CHST11: variants seen among roughly 807,000 people sequenced by gnomAD.
The protein encoded by CHST11 is C4S-1.
CHST11 carries 9 observed loss-of-function variants against 30.4 expected under a neutral mutation model. The ratio of observed to expected loss-of-function variants is 0.30; its 90% CI spans 0.18 to 0.52. The LOEUF (loss-of-function observed/expected upper bound fraction) is 0.52, where lower values mean the gene tolerates loss of function less well. Among genes scored for constraint, CHST11 ranks in the 20% least tolerant of loss-of-function variants. The probability of loss-of-function intolerance (pLI) is 0.97; values close to 1 mark genes in which losing one functional copy is unlikely to be tolerated. For missense variants in CHST11, 348 were observed against 460.6 expected (o/e 0.76, Z 2.24); for synonymous variants, 152 against 187.8 (o/e 0.81, Z 1.56).
chr12:104,619,569 C>T (rs1263198599), intron 2 of CHST11, among the ~76,000 whole-genome samples: 3 of 152,116 alleles, frequency 2.0e-5, no homozygotes, highest in African/African-American at 7.2e-5. Context: ...AGTTGGTGTT[C>T]AAACAGGAAT....
At chr12:104,494,280 G>GGAGCTTGT (rs1281213726) in intron 1 of CHST11, among the ~76,000 whole-genome samples, 2 of 152,214 alleles carry the variant, frequency 1.3e-5, no homozygotes, top group East Asian at 3.9e-4. Flanking sequence ...AGCAAAGGCA[G>GGAGCTTGT]GAGCTTGTGA....
chr12:104,756,679 C>T (rs1201849194), intron 2 of CHST11, among the ~76,000 whole-genome samples: 1 of 152,054 alleles, frequency 6.6e-6, no homozygotes, highest in Non-Finnish European at 1.5e-5. Context: ...TCCCAAGTAG[C>T]TGGGATGTCA....
At chr12:104,661,184 G>A (rs1205484300) in intron 2 of CHST11, among the ~76,000 whole-genome samples, 1 of 152,180 alleles carries the variant, frequency 6.6e-6, no homozygotes, top group East Asian at 1.9e-4. Flanking sequence ...AACGGAAGGA[G>A]TAGCTCTTGC....
intron 1 of CHST11, among the ~76,000 whole-genome samples, chr12:104,459,258 C>T (rs1555225592): frequency 1.3e-5 from 2 of 152,138 alleles, no homozygotes; most frequent in African/African-American, 4.8e-5. Context: ...GCCAGACAGC[C>T]AGGGGTATCT....
At chr12:104,604,623 G>T (rs2038986059) in intron 2 of CHST11, among the ~76,000 whole-genome samples, 1 of 152,148 alleles carries the variant, frequency 6.6e-6, no homozygotes, top group African/African-American at 2.4e-5. Flanking sequence ...ATTGGGCTCA[G>T]TTGCAGTTTC....
intron 2 of CHST11, among the ~76,000 whole-genome samples, chr12:104,671,891 C>T (rs1415677256): frequency 4.6e-5 from 7 of 152,092 alleles, no homozygotes; most frequent in African/African-American, 9.7e-5. Flanking sequence ...GTTAGCAAAT[C>T]GGCCAGTGAC....
At chr12:104,480,504 G>T (rs958417238) in intron 1 of CHST11, among the ~76,000 whole-genome samples, 2 of 151,530 alleles carry the variant, frequency 1.3e-5, no homozygotes, top group Non-Finnish European at 2.9e-5. Context: ...CTTAAACCTG[G>T]GAGGCGGAGG....
chr12:104,645,842 C>A (rs928503003), intron 2 of CHST11, among the ~76,000 whole-genome samples: 13 of 152,206 alleles, frequency 8.5e-5, no homozygotes, highest in African/African-American at 3.1e-4. Flanking sequence ...AAAGGGTATC[C>A]ATCTACCTAC....
chr12:104,511,872 C>T (rs1157768066), intron 1 of CHST11, among the ~76,000 whole-genome samples: 1 of 152,064 alleles, frequency 6.6e-6, no homozygotes, highest in Non-Finnish European at 1.5e-5. Flanking sequence ...GGTTCCAGGA[C>T]CCCTCTCAAA....
chr12:104,561,151 G>A (rs548692773), intron 1 of CHST11, among the ~76,000 whole-genome samples: 18 of 152,272 alleles, frequency 1.2e-4, no homozygotes, highest in Middle Eastern at 3.4e-3. Flanking sequence ...TAGGTTATAG[G>A]ACTGGCTGCT....
At chr12:104,592,815 C>A (rs142832175) in intron 1 of CHST11, among the ~76,000 whole-genome samples, 1 of 152,150 alleles carries the variant, frequency 6.6e-6, no homozygotes, top group Admixed American at 6.5e-5. Context: ...GGACAGGGAT[C>A]TTATACTTTC....
At chr12:104,691,557 G>A (rs933828434) in intron 2 of CHST11, among the ~76,000 whole-genome samples, 23 of 147,366 alleles carry the variant, frequency 1.6e-4, no homozygotes, top group Non-Finnish European at 2.5e-4. Flanking sequence ...GTGTGATCTC[G>A]GCTCACTGCA....
intron 2 of CHST11, among the ~76,000 whole-genome samples, chr12:104,715,527 C>A (rs1466367524): frequency 1.3e-5 from 2 of 152,206 alleles, no homozygotes; most frequent in Admixed American, 1.3e-4. Flanking sequence ...ATCCTCCCAG[C>A]GATACGGAGG....
intron 2 of CHST11, among the ~76,000 whole-genome samples, chr12:104,683,349 G>C (rs973813216): frequency 3.3e-5 from 5 of 152,138 alleles, no homozygotes; most frequent in African/African-American, 1.2e-4. Context: ...GTCATCATAG[G>C]ACCAGTAAGA....
intron 2 of CHST11, among the ~76,000 whole-genome samples, chr12:104,623,984 G>T (rs1186795884): frequency 2.0e-5 from 3 of 152,124 alleles, no homozygotes; most frequent in Non-Finnish European, 4.4e-5. Flanking sequence ...ATGATGAATG[G>T]GGGCTCCTGA....
At chr12:104,610,041 CTCTGTGTGTGTG>C (rs1327726405) in intron 2 of CHST11, among the ~76,000 whole-genome samples, 1 of 120,442 alleles carries the variant, frequency 8.3e-6, no homozygotes, top group Non-Finnish European at 1.7e-5. Flanking sequence ...CCATGAGTGC[CTCTGTGTGTGTG>C]TGTGTGTGTG....
At chr12:104,598,968 C>T (rs2038932467) in intron 1 of CHST11, among the ~76,000 whole-genome samples, 1 of 151,654 alleles carries the variant, frequency 6.6e-6, no homozygotes, top group Non-Finnish European at 1.5e-5. Context: ...TTTCCACTCA[C>T]ATGACCTTGA....
chr12:104,571,578 G>A (rs2038626320), intron 1 of CHST11, among the ~76,000 whole-genome samples: 1 of 152,146 alleles, frequency 6.6e-6, no homozygotes. Context: ...GATCAGAGAG[G>A]GTCATGGCTT....
chr12:104,486,856 C>T (rs1024904426), intron 1 of CHST11, among the ~76,000 whole-genome samples: 4 of 152,120 alleles, frequency 2.6e-5, no homozygotes, highest in East Asian at 1.9e-4. Context: ...ATGTTTAAAA[C>T]GAAGGGGGGC....
Sources: allele counts gnomAD v4.1 joint callset (sites outside exome capture counted in the v4.1 genomes callset), GRCh38; gene constraint gnomAD v4.1.1; transcripts MANE v1.5; gene names NCBI Gene and HGNC (gene_info 2026-07-23, HGNC 2026-07-21).